The following PHF24 variants were observed in gnomAD, a reference collection of about 807,000 sequenced individuals.
PHF24 encodes the protein PHD finger protein 24.
PHF24 carries 25 observed loss-of-function variants against 42.6 expected under a neutral mutation model. That is an observed-to-expected ratio of 0.59 (90% CI 0.43 to 0.82). The LOEUF (loss-of-function observed/expected upper bound fraction) is 0.82. PHF24 is among the 40% of genes least tolerant of loss of function. The probability of loss-of-function intolerance (pLI) is 0.00; values close to 1 mark genes in which losing one functional copy is unlikely to be tolerated. For missense variants in PHF24, 470 were observed against 538.1 expected (o/e 0.87, Z 1.25); for synonymous variants, 185 against 204.8 (o/e 0.90, Z 0.83).
chr9:34,978,976 A>T (rs1827300793), exon 8 of PHF24: 1 of 152,170 alleles, frequency 6.6e-6, no homozygotes, highest in African/African-American at 2.4e-5. Context: ...GGGGGCCTGA[A>T]TGGAGCAAAC....
the PHF24 span, among the ~76,000 whole-genome samples, chr9:34,778,470 G>C: frequency 6.6e-6 from 1 of 152,118 alleles, no homozygotes. Flanking sequence ...AGCTACAGTG[G>C]GTTATACTGG....
the PHF24 span, among the ~76,000 whole-genome samples, chr9:34,847,881 T>C: frequency 6.6e-6 from 1 of 152,244 alleles, no homozygotes; most frequent in Non-Finnish European, 1.5e-5. Context: ...TCTTTGGTTC[T>C]GTTTATATGC....
At chr9:34,912,092 C>A in the PHF24 span, among the ~76,000 whole-genome samples, 7 of 152,148 alleles carry the variant, frequency 4.6e-5, no homozygotes, top group Admixed American at 3.9e-4. Flanking sequence ...TTCATCCTTT[C>A]CAAACCATGC....
At chr9:34,758,697 G>T in the PHF24 span, among the ~76,000 whole-genome samples, 2 of 152,108 alleles carry the variant, frequency 1.3e-5, no homozygotes, top group African/African-American at 4.8e-5. The surrounding 1 kb of genome is among the most constrained non-coding windows in gnomAD (Gnocchi z 4.4). Context: ...GCTCACAGGG[G>T]ATTGGCGGGG....
the PHF24 span, among the ~76,000 whole-genome samples, chr9:34,694,623 A>G: frequency 6.6e-6 from 1 of 151,684 alleles, no homozygotes; most frequent in South Asian, 2.1e-4. Flanking sequence ...GTGAGCCACC[A>G]TGCCCGGCCT....
At chr9:34,738,199 G>A in the PHF24 span, among the ~76,000 whole-genome samples, 1 of 152,092 alleles carries the variant, frequency 6.6e-6, no homozygotes, top group South Asian at 2.1e-4. Flanking sequence ...AAACAAGACT[G>A]CCTAGCTGAT....
At chr9:34,846,518 G>A in the PHF24 span, among the ~76,000 whole-genome samples, 1 of 151,792 alleles carries the variant, frequency 6.6e-6, no homozygotes, top group Non-Finnish European at 1.5e-5. Context: ...CAGATGAGTA[G>A]GTTGCAAAAA....
At chr9:34,967,834 T>G (rs1408689425) in intron 1 of PHF24, among the ~76,000 whole-genome samples, 3 of 152,232 alleles carry the variant, frequency 2.0e-5, no homozygotes, top group African/African-American at 7.2e-5. Flanking sequence ...TCATATGAAC[T>G]TTTAAAAGAA....
At chr9:34,665,877 C>A in the PHF24 span, 23 of 591,226 alleles carry the variant, frequency 3.9e-5, no homozygotes, top group African/African-American at 5.6e-5. Flanking sequence ...CCGGTCATCT[C>A]CGGGGCCTGG....
At chr9:34,715,757 A>G in the PHF24 span, among the ~76,000 whole-genome samples, 4 of 152,262 alleles carry the variant, frequency 2.6e-5, no homozygotes, top group East Asian at 7.7e-4. Flanking sequence ...GGAGGGGGAG[A>G]GGAAGTGTGC....
At chr9:34,972,322 T>C in intron 2 of PHF24, 24 bp from the exon 3 acceptor site, 1 of 1,583,804 alleles carries the variant, frequency 6.3e-7, no homozygotes, top group Non-Finnish European at 8.6e-7. Context: ...CACATCCCTG[T>C]TTCCTCCTGC....
chr9:34,792,270 A>G, the PHF24 span, among the ~76,000 whole-genome samples: 1 of 152,186 alleles, frequency 6.6e-6, no homozygotes, highest in Non-Finnish European at 1.5e-5. Flanking sequence ...TAATTGATGA[A>G]AGTGTGGTTA....
At chr9:34,837,971 A>G in the PHF24 span, among the ~76,000 whole-genome samples, 1 of 152,232 alleles carries the variant, frequency 6.6e-6, no homozygotes, top group African/African-American at 2.4e-5. Context: ...AAGAGAAAGG[A>G]TAGTACAGAT....
the PHF24 span, among the ~76,000 whole-genome samples, chr9:34,829,787 A>C: frequency 6.6e-6 from 1 of 152,340 alleles, no homozygotes; most frequent in African/African-American, 2.4e-5. Flanking sequence ...AAAATAGAGG[A>C]AAGGGGGCTA....
chr9:34,771,100 CAA>C, the PHF24 span, among the ~76,000 whole-genome samples: 4 of 152,112 alleles, frequency 2.6e-5, no homozygotes, highest in African/African-American at 9.7e-5. Context: ...GTGACAAGAG[CAA>C]AACTTTGTCT....
chr9:34,742,926 T>A, the PHF24 span, among the ~76,000 whole-genome samples: 15 of 84,262 alleles, frequency 1.8e-4, no homozygotes, highest in African/African-American at 5.3e-4. Context: ...TGGAACACAG[T>A]CATGCCCATT....
chr9:34,945,364 G>A, the PHF24 span, among the ~76,000 whole-genome samples: 1 of 152,212 alleles, frequency 6.6e-6, no homozygotes, highest in African/African-American at 2.4e-5. Context: ...GAGGGAGGGT[G>A]AATTCCTGTG....
chr9:34,758,548 A>T, the PHF24 span, among the ~76,000 whole-genome samples: 1 of 152,104 alleles, frequency 6.6e-6, no homozygotes. This position sits in a 1 kb window ranked among gnomAD's most constrained non-coding sequence, Gnocchi z 4.4. Flanking sequence ...GGATTGCGGC[A>T]TTCAGCAACC....
the PHF24 span, among the ~76,000 whole-genome samples, chr9:34,881,335 C>T: frequency 6.6e-6 from 1 of 152,034 alleles, no homozygotes; most frequent in South Asian, 2.1e-4. Flanking sequence ...CAAAAGCTAG[C>T]AGAAGGCAAG....
Sources: allele counts gnomAD v4.1 joint callset (sites outside exome capture counted in the v4.1 genomes callset), GRCh38; gene constraint gnomAD v4.1.1; non-coding constraint Gnocchi (gnomAD v3.1); transcripts MANE v1.5; gene names NCBI Gene and HGNC (gene_info 2026-07-23, HGNC 2026-07-21).